Variants in NUP153 observed in about 807,000 individuals in gnomAD.
NUP153 encodes the protein nuclear pore complex protein Nup153.
A neutral mutation model predicts 134.6 loss-of-function variants in NUP153; 27 were observed. That is an observed-to-expected ratio of 0.20 (90% confidence interval 0.15 to 0.28). The LOEUF is 0.28. Among genes scored for constraint, NUP153 ranks in the 10% least tolerant of loss-of-function variants. The pLI is 1.00. For missense variants in NUP153, 1,821 were observed against 1,731.3 expected (o/e 1.05, Z -0.92); for synonymous variants, 640 against 623.5 (o/e 1.03, Z -0.40).
At chr6:17,696,648 G>A (rs1245370298) in intron 1 of NUP153, among the ~76,000 whole-genome samples, 8 of 151,808 alleles carry the variant, frequency 5.3e-5, no homozygotes, top group Non-Finnish European at 8.8e-5. Flanking sequence ...CCAGCTCCTC[G>A]GGAGGCTGAG....
At position 17,641,205 on chromosome 6, in the gene NUP153, GA is replaced by G. The variant is rs1237812898; in HGVS notation, c.1721-1142del. On this transcript the variant is annotated intron_variant, in intron 14 of 21. Transcript: ENST00000262077. The stretch of plus-strand genomic sequence containing the variant: ...ACCTGACATGTAAGTTTCTGTGTGG[GA>G]TGGGGAGAGGAGGGATGGAACAAAA... 2.0e-5 allele frequency among the ~76,000 whole-genome samples: 3 copies of G among 152,120 alleles called. No individual in the cohort carries two copies. In the East Asian group the frequency reaches 5.8e-4, roughly 29 times the overall value.
chr6:17,689,071 TA>T (rs34922440), intron 1 of NUP153, among the ~76,000 whole-genome samples: 24,659 of 147,112 alleles, frequency 0.17, 2,157 homozygotes, highest in East Asian at 0.37. Flanking sequence ...ATACAAGAGT[TA>T]AAAAAAAAAA....
At chr6:17,622,820 T>G (rs1019115636) in intron 20 of NUP153, among the ~76,000 whole-genome samples, 4 of 152,060 alleles carry the variant, frequency 2.6e-5, no homozygotes, top group Non-Finnish European at 5.9e-5. Flanking sequence ...TGATCTAACC[T>G]TACAGTGTCT....
intron 18 of NUP153, 59 bp from the exon 19 acceptor site, chr6:17,626,223 T>TTTTTCCTACCCTACAATTGCTAGAA: frequency 7.5e-7 from 1 of 1,328,806 alleles, no homozygotes; most frequent in East Asian, 2.3e-5. Flanking sequence ...CAGAAAGTAC[T>TTTTTCCTACCCTACAATTGCTAGAA]TTTTCCTACC....
intron 1 of NUP153, among the ~76,000 whole-genome samples, chr6:17,690,325 G>C (rs546822782): frequency 6.6e-6 from 1 of 151,774 alleles, no homozygotes; most frequent in African/African-American, 2.4e-5. Flanking sequence ...ATAATTGCTT[G>C]AGAAAGCTTG....
chr6:17,687,273 T>C (rs1768989251), intron 2 of NUP153, among the ~76,000 whole-genome samples: 1 of 152,064 alleles, frequency 6.6e-6, no homozygotes, highest in South Asian at 2.1e-4. Flanking sequence ...TAGAACTCTC[T>C]AACCAAAAGG....
chr6:17,659,621 C>G (rs994937152), intron 11 of NUP153, among the ~76,000 whole-genome samples: 1 of 152,058 alleles, frequency 6.6e-6, no homozygotes, highest in African/African-American at 2.4e-5. Flanking sequence ...TACACACATA[C>G]GCTATCACAC....
intron 1 of NUP153, among the ~76,000 whole-genome samples, chr6:17,697,452 G>A (rs1374384642): frequency 6.6e-6 from 1 of 152,224 alleles, no homozygotes; most frequent in Non-Finnish European, 1.5e-5. Flanking sequence ...TTGGGAGGCT[G>A]AGGCAGACAG....
Position 17,640,054 on chromosome 6 carries a change from G to T in NUP153, c.1731C>A (p.Val577=). 1 of 1,566,892 alleles carries T rather than the reference G, an allele frequency of 6.4e-7. No homozygotes were observed. Among genetic ancestry groups the T allele is most frequent in the Non-Finnish European group, 8.6e-7 (1 of 1,159,708 alleles). ...EPIISSSAHH[V]TTVNSTNCKK... is the part of the protein sequence containing the mutation. ...TACAATTTGTACTGTTCACTGTAGT[G>T]ACATGATGAGCTGTAATTTTTTTAA... The change falls in exon 15 of 22, where the codon GTC becomes GTA. Residue 577 remains valine, a synonymous_variant. Coordinates refer to ENST00000262077, the MANE Select transcript of NUP153 (RefSeq NM_005124.4).
At chr6:17,698,605 G>T (rs1027037953) in intron 1 of NUP153, among the ~76,000 whole-genome samples, 1 of 152,006 alleles carries the variant, frequency 6.6e-6, no homozygotes, top group African/African-American at 2.4e-5. Flanking sequence ...GGGCGTGGTG[G>T]TGGGCACCTG....
chr6:17,694,985 A>G (rs1425788267), intron 1 of NUP153, among the ~76,000 whole-genome samples: 1 of 91,014 alleles, frequency 1.1e-5, no homozygotes, highest in African/African-American at 3.3e-5. Context: ...TCTCAAGGAA[A>G]AAAAAAAAGA....
chr6:17,653,480 T>C (rs1766624065), intron 11 of NUP153, among the ~76,000 whole-genome samples: 1 of 152,182 alleles, frequency 6.6e-6, no homozygotes, highest in African/African-American at 2.4e-5. Context: ...GGATATAAAA[T>C]GGCACACTTT....
At chr6:17,645,198 G>A (rs889449919) in intron 14 of NUP153, among the ~76,000 whole-genome samples, 15 of 149,966 alleles carry the variant, frequency 1.0e-4, no homozygotes, top group Non-Finnish European at 1.9e-4. Flanking sequence ...AGCCAAGACC[G>A]TGCCATTGCA....
chr6:17,703,551 G>A (rs1472228329), intron 1 of NUP153, among the ~76,000 whole-genome samples: 1 of 151,778 alleles, frequency 6.6e-6, no homozygotes, highest in Non-Finnish European at 1.5e-5. Context: ...AGCAGCTTCT[G>A]CAAAACATCC....
intron 20 of NUP153, among the ~76,000 whole-genome samples, chr6:17,619,803 T>C (rs556625751): frequency 6.6e-6 from 1 of 152,030 alleles, no homozygotes; most frequent in East Asian, 1.9e-4. Context: ...TCCATAGAAA[T>C]AGAAACATAT....
intron 16 of NUP153, among the ~76,000 whole-genome samples, chr6:17,635,345 G>C (rs2113781507): frequency 6.6e-6 from 1 of 151,986 alleles, no homozygotes; most frequent in African/African-American, 2.4e-5. Flanking sequence ...TCCTGACCTG[G>C]TGATCCACTC....
intron 1 of NUP153, among the ~76,000 whole-genome samples, chr6:17,691,175 G>A (rs6913856): frequency 0.98 from 149,669 of 152,318 alleles, 73,571 homozygotes; most frequent in Middle Eastern, 1. Flanking sequence ...GGTATAGGTA[G>A]CAACTGGGAA....
intron 18 of NUP153, among the ~76,000 whole-genome samples, chr6:17,626,466 G>C (rs1468343951): frequency 6.6e-6 from 1 of 152,188 alleles, no homozygotes; most frequent in Non-Finnish European, 1.5e-5. Flanking sequence ...TGAATAGCAA[G>C]CTTAGATAGT....
intron 14 of NUP153, among the ~76,000 whole-genome samples, chr6:17,643,813 T>C (rs1360584462): frequency 6.6e-6 from 1 of 152,210 alleles, no homozygotes; most frequent in Non-Finnish European, 1.5e-5. Context: ...TCCTGAGATA[T>C]AATGAAACAA....
Sources: gnomAD v4.1 joint callset for allele counts (sites outside exome capture counted in the v4.1 genomes callset) on GRCh38, gnomAD v4.1.1 for gene constraint, MANE v1.5 for transcripts, NCBI Gene and HGNC (gene_info 2026-07-23, HGNC 2026-07-21) for gene names.